Variants in GRIN3A observed in about 807,000 individuals in gnomAD.
GRIN3A encodes glutamate receptor ionotropic, NMDA 3A.
A neutral mutation model predicts 92.4 loss-of-function variants in GRIN3A; 47 were observed. The observed-to-expected ratio is 0.51, with a 90% confidence interval of 0.40 to 0.65. The LOEUF (loss-of-function observed/expected upper bound fraction) is 0.65, where lower values mean the gene tolerates loss of function less well. GRIN3A is among the 30% of genes least tolerant of loss of function. GRIN3A has a pLI of 0.00. For synonymous variants in GRIN3A, 527 were observed against 540.6 expected, an observed-to-expected ratio of 0.97 and a Z score of 0.35; for missense variants, 1,324 against 1,393.1, an observed-to-expected ratio of 0.95 and a Z score of 0.79.
intron 6 of GRIN3A, among the ~76,000 whole-genome samples, chr9:101,612,030 G>T (rs1195529211): frequency 6.6e-6 from 1 of 152,176 alleles, no homozygotes; most frequent in Non-Finnish European, 1.5e-5. Context: ...AGGGCATTGT[G>T]GGCTATGCCA....
At chr9:101,629,045 A>T (rs62577427) in intron 3 of GRIN3A, among the ~76,000 whole-genome samples, 42,709 of 151,882 alleles carry the variant, frequency 0.28, 6,472 homozygotes, top group East Asian at 0.46. Flanking sequence ...TTTGAAGATG[A>T]ATTAGTTTTG....
At chr9:101,653,714 G>A (rs1245307328) in intron 3 of GRIN3A, among the ~76,000 whole-genome samples, 1 of 151,638 alleles carries the variant, frequency 6.6e-6, no homozygotes, top group Non-Finnish European at 1.5e-5. Flanking sequence ...TCTCTACTTT[G>A]TTTTCACCTT....
intron 5 of GRIN3A, among the ~76,000 whole-genome samples, chr9:101,616,649 C>T (rs72745350): frequency 0.17 from 24,952 of 147,252 alleles, 2,336 homozygotes; most frequent in Non-Finnish European, 0.21. Context: ...TGTGTATCTG[C>T]ATTAAAAAAG....
At chr9:101,676,325 A>G (rs965566951) in intron 2 of GRIN3A, among the ~76,000 whole-genome samples, 5 of 149,182 alleles carry the variant, frequency 3.4e-5, no homozygotes, top group Admixed American at 3.3e-4. Context: ...CCCCCTATTT[A>G]TTGCCTTCCA....
At chr9:101,716,325 A>G (rs1829947447) in intron 1 of GRIN3A, among the ~76,000 whole-genome samples, 1 of 152,206 alleles carries the variant, frequency 6.6e-6, no homozygotes, top group Admixed American at 6.5e-5. Context: ...GAGGAAACAG[A>G]AAATAAAGAA....
intron 8 of GRIN3A, among the ~76,000 whole-genome samples, chr9:101,573,773 AT>A (rs5899448): frequency 0.27 from 24,900 of 92,710 alleles, 1,772 homozygotes; most frequent in East Asian, 0.34. Context: ...GGTATGGTGC[AT>A]TTTTTTTTTT....
chr9:101,708,379 T>C (rs915987969), intron 1 of GRIN3A, among the ~76,000 whole-genome samples: 3 of 152,208 alleles, frequency 2.0e-5, no homozygotes, highest in Non-Finnish European at 4.4e-5. Flanking sequence ...ATGTGGTTTT[T>C]GTGACAGCTT....
At chr9:101,668,854 C>T (rs1829276169) in intron 3 of GRIN3A, among the ~76,000 whole-genome samples, 1 of 152,170 alleles carries the variant, frequency 6.6e-6, no homozygotes, top group Non-Finnish European at 1.5e-5. Context: ...CCCTCTGGGG[C>T]ATTCTATCAT....
At position 101,573,123 on chromosome 9, in the gene GRIN3A, C is replaced by G; in HGVS notation, c.*51G>C. On this transcript the variant is annotated 3_prime_UTR_variant, in exon 9 of 9. Transcript: ENST00000361820. ...TACAAAAGAGCATTACAAAGTGTCT[C>G]AAGGGCTCAGAGGAAGGTCAGGAAC... 1 of 1,466,132 alleles carries G rather than the reference C, an allele frequency of 6.8e-7. No individual in the cohort carries two copies. The highest frequency in any genetic ancestry group is 2.3e-5 in the East Asian group (1 of 44,180). The allele number at this position is 1,466,132 out of a possible 1,614,324, so 90.8% of individuals were successfully genotyped here. A position where few individuals can be genotyped will look rare whatever the true frequency, so the allele number is the denominator to read the frequency against.
intron 1 of GRIN3A, among the ~76,000 whole-genome samples, chr9:101,696,983 G>A (rs1176618536): frequency 1.3e-5 from 2 of 152,132 alleles, no homozygotes; most frequent in East Asian, 3.9e-4. Flanking sequence ...TAATTGTGAT[G>A]TAATATGCCT....
chr9:101,667,426 T>C (rs1181293212), intron 3 of GRIN3A, among the ~76,000 whole-genome samples: 1 of 151,924 alleles, frequency 6.6e-6, no homozygotes, highest in Non-Finnish European at 1.5e-5. Flanking sequence ...TTGTAATGAG[T>C]TGAAGGTGAT....
intron 6 of GRIN3A, among the ~76,000 whole-genome samples, chr9:101,605,244 C>T (rs770484600): frequency 5.3e-5 from 8 of 152,202 alleles, no homozygotes; most frequent in Non-Finnish European, 7.3e-5. Flanking sequence ...GGAACTGGTT[C>T]GCAGCAGTGT....
chr9:101,737,299 C>G lies in GRIN3A; in HGVS notation c.681G>C (p.Glu227Asp). The change falls in exon 1 of 9, where the codon GAG becomes GAC. Residue 227 changes from glutamate (E) to aspartate (D), a missense_variant. By Grantham distance (45) the Glu-to-Asp change is conservative (BLOSUM62 2). Coordinates refer to ENST00000361820, the MANE Select transcript of GRIN3A (RefSeq NM_133445.3). ...CTCTCACCTGACTCTCCCGTGGAAA[C>G]TCGTGGCGCACGATGCTGATCACTG... ...HIPVISIVRH[E>D]FPRESQNPLH... 1 of 1,614,184 alleles carries G rather than the reference C, an allele frequency of 6.2e-7. No individual in the cohort carries two copies. Among genetic ancestry groups the G allele is most frequent in the Non-Finnish European group, 8.5e-7 (1 of 1,180,012 alleles).
chr9:101,710,279 C>T (rs780067909), intron 1 of GRIN3A, among the ~76,000 whole-genome samples: 13 of 152,138 alleles, frequency 8.5e-5, no homozygotes, highest in Non-Finnish European at 1.3e-4. Flanking sequence ...CAGATAGTAG[C>T]TATTTGGTAT....
intron 1 of GRIN3A, among the ~76,000 whole-genome samples, chr9:101,706,824 C>A (rs150340663): frequency 6.6e-6 from 1 of 152,156 alleles, no homozygotes; most frequent in South Asian, 2.1e-4. Context: ...AAATGTGGAA[C>A]GTTGCACACA....
In GRIN3A at chr9:101,573,132, A is replaced by G; in HGVS notation, c.*42T>C. On this transcript the variant is annotated 3_prime_UTR_variant, in exon 9 of 9. Coordinates refer to ENST00000361820, the MANE Select transcript of GRIN3A (RefSeq NM_133445.3). ...GCATTACAAAGTGTCTCAAGGGCTCAGAGGAAGGTCAGGAACTGAGAAAGG... is the reference window on the plus strand; with the variant it reads ...GCATTACAAAGTGTCTCAAGGGCTCGGAGGAAGGTCAGGAACTGAGAAAGG... 1 of 1,515,902 alleles carries G rather than the reference A, an allele frequency of 6.6e-7. No individual in the cohort carries two copies. Among genetic ancestry groups the G allele is most frequent in the Non-Finnish European group, 9.2e-7 (1 of 1,090,478 alleles). The allele number at this position is 1,515,902 out of a possible 1,614,324, so 93.9% of individuals were successfully genotyped here. A position where few individuals can be genotyped will look rare whatever the true frequency, so the allele number is the denominator to read the frequency against.
intron 1 of GRIN3A, among the ~76,000 whole-genome samples, chr9:101,700,822 A>G (rs899762477): frequency 2.6e-5 from 4 of 152,230 alleles, no homozygotes; most frequent in Non-Finnish European, 5.9e-5. Flanking sequence ...AAGTAAAAAT[A>G]GAAATGACAG....
chr9:101,581,269 G>A (rs117884861), intron 6 of GRIN3A, among the ~76,000 whole-genome samples: 1 of 152,138 alleles, frequency 6.6e-6, no homozygotes, highest in African/African-American at 2.4e-5. Context: ...ATACTAACCT[G>A]AGGGTAGCAT....
chr9:101,681,274 T>TA (rs905023700), intron 2 of GRIN3A, among the ~76,000 whole-genome samples: 3 of 152,150 alleles, frequency 2.0e-5, no homozygotes, highest in East Asian at 1.9e-4. Flanking sequence ...TCCTAATGTT[T>TA]AAAAAAAATT....
Sources: gnomAD v4.1 joint callset for allele counts (sites outside exome capture counted in the v4.1 genomes callset) on GRCh38, gnomAD v4.1.1 for gene constraint, MANE v1.5 for transcripts, NCBI Gene and HGNC (gene_info 2026-07-23, HGNC 2026-07-21) for gene names.